The following RBFOX1 variants were observed in gnomAD, a reference collection of about 807,000 sequenced individuals.
RBFOX1 encodes RNA binding protein fox-1 homolog 1.
A neutral mutation model predicts 57.7 loss-of-function variants in RBFOX1; 8 were observed. The ratio of observed to expected loss-of-function variants is 0.14; its 90% CI spans 0.08 to 0.25. The LOEUF (loss-of-function observed/expected upper bound fraction) is 0.25. RBFOX1 is among the 10% of genes least tolerant of loss of function. The pLI, the probability that RBFOX1 is intolerant of heterozygous loss-of-function variation, is 1.00. For synonymous variants in RBFOX1, 326 were observed against 222.4 expected, an observed-to-expected ratio of 1.47 and a Z score of -4.15; for missense variants, 611 against 548.5, an observed-to-expected ratio of 1.11 and a Z score of -1.14.
chr16:5,575,859 A>G (rs2151143464), intron 2 of RBFOX1, among the ~76,000 whole-genome samples: 1 of 151,834 alleles, frequency 6.6e-6, no homozygotes. Flanking sequence ...TCAAAAAAAA[A>G]ATAGCATCAA....
At chr16:6,196,609 A>G (rs995621299) in intron 1 of RBFOX1, among the ~76,000 whole-genome samples, 2 of 152,170 alleles carry the variant, frequency 1.3e-5, no homozygotes, top group African/African-American at 4.8e-5. Context: ...GAAACTGGAA[A>G]TAGAGAAATA....
intron 2 of RBFOX1, among the ~76,000 whole-genome samples, chr16:6,501,615 T>C (rs1567463370): frequency 6.6e-6 from 1 of 152,136 alleles, no homozygotes; most frequent in African/African-American, 2.4e-5. Context: ...TGCATGCATG[T>C]GTCTTTATAG....
At chr16:5,959,598 A>G (rs1056984664) in intron 4 of RBFOX1, among the ~76,000 whole-genome samples, 2 of 152,238 alleles carry the variant, frequency 1.3e-5, no homozygotes, top group African/African-American at 4.8e-5. Flanking sequence ...AACACATGGT[A>G]AGCCCAAAGC....
intron 2 of RBFOX1, chr16:6,484,032 G>C (rs1166135145): frequency 1.3e-6 from 1 of 743,280 alleles, no homozygotes; most frequent in Non-Finnish European, 1.6e-6. Flanking sequence ...CGTTTAGAGG[G>C]ATTGGGGAGC....
At position 7,193,010 on chromosome 16, in the gene RBFOX1, C is replaced by T. The variant is rs117587141; in HGVS notation, c.27+140912C>T. On this transcript the variant is annotated intron_variant, in intron 4 of 15. Coordinates refer to ENST00000550418, the MANE Select transcript of RBFOX1 (RefSeq NM_018723.4). ...ACAAGGTGGTAGGCAAAATAATGCC[C>T]TTGCCTTACCTATGGCCATGTCTTA... 1.6e-4 allele frequency among the ~76,000 whole-genome samples: 24 copies of T among 152,260 alleles called. No individual in the cohort carries two copies. The East Asian group carries it at 4.6e-3, about 29-fold the overall frequency.
At chr16:6,819,881 C>T (rs2090956747) in intron 3 of RBFOX1, among the ~76,000 whole-genome samples, 1 of 152,102 alleles carries the variant, frequency 6.6e-6, no homozygotes, top group Admixed American at 6.5e-5. Flanking sequence ...TAAGTGCTTT[C>T]CTCAAGCATA....
chr16:6,788,711 G>A (rs1172666176), intron 3 of RBFOX1, among the ~76,000 whole-genome samples: 3 of 151,416 alleles, frequency 2.0e-5, no homozygotes, highest in East Asian at 2.0e-4. Context: ...TCCTGATCTC[G>A]TGATCCGCCC....
intron 4 of RBFOX1, among the ~76,000 whole-genome samples, chr16:5,885,987 G>A (rs2057890149): frequency 6.6e-6 from 1 of 152,150 alleles, no homozygotes; most frequent in Non-Finnish European, 1.5e-5. Context: ...TCTCATGATA[G>A]TGAGTTGTCA....
chr16:6,265,993 C>A (rs892915025), intron 1 of RBFOX1, among the ~76,000 whole-genome samples: 1 of 152,144 alleles, frequency 6.6e-6, no homozygotes, highest in African/African-American at 2.4e-5. Flanking sequence ...TCTGGCTTCT[C>A]TTTTTGTGGT....
At chr16:7,565,701 C>T (rs1046513194) in intron 5 of RBFOX1, among the ~76,000 whole-genome samples, 2 of 152,204 alleles carry the variant, frequency 1.3e-5, no homozygotes, top group Admixed American at 1.3e-4. Context: ...CTCGAAGACA[C>T]TCAGAAGCTT....
chr16:6,969,085 G>C (rs556207868), intron 3 of RBFOX1, among the ~76,000 whole-genome samples: 129 of 152,212 alleles, frequency 8.5e-4, no homozygotes, highest in Non-Finnish European at 1.4e-3. Context: ...ACTTACAGGA[G>C]AGACCTTCTC....
chr16:7,124,579 C>T (rs2068012354), intron 4 of RBFOX1, among the ~76,000 whole-genome samples: 1 of 136,808 alleles, frequency 7.3e-6, no homozygotes, highest in Non-Finnish European at 1.5e-5. Flanking sequence ...TCCTTCCTTC[C>T]TTCCTGTAAT....
rs144805773 is a variant in RBFOX1 at position 5,959,926 on chromosome 16, C to T, written c.351+92591C>T. Among the ~76,000 whole-genome samples the T allele has an allele frequency of 7.2e-3, 1,092 of 152,274 alleles. 21 individuals carry two copies. Among genetic ancestry groups the T allele is most frequent in the African/African-American group, 0.025 (1,039 of 41,556 alleles). Reference sequence around the variant, plus strand: ...TGAATAAGAGGAACCCTAGGCTGGGCGCGGTGGCTCACGCCTGTAATCCCA... The same window carrying T: ...TGAATAAGAGGAACCCTAGGCTGGGTGCGGTGGCTCACGCCTGTAATCCCA... On this transcript the variant is annotated intron_variant, in intron 4 of 19. Coordinates refer to the RBFOX1 transcript ENST00000641259.
intron 3 of RBFOX1, among the ~76,000 whole-genome samples, chr16:5,776,265 G>A (rs1488356088): frequency 6.6e-6 from 1 of 152,230 alleles, no homozygotes; most frequent in East Asian, 1.9e-4. Flanking sequence ...TCAGAAGGCT[G>A]CAGTACCCCA....
chr16:6,414,022 A>G lies in RBFOX1; in HGVS notation c.-64+96965A>G, dbSNP rs566322723. 5.3e-5 allele frequency among the ~76,000 whole-genome samples: 8 copies of G among 152,320 alleles called. No homozygotes were observed. In the South Asian group the frequency reaches 1.7e-3, roughly 32 times the overall value. On this transcript the variant is annotated intron_variant, in intron 2 of 15. Coordinates refer to ENST00000550418, the MANE Select transcript of RBFOX1 (RefSeq NM_018723.4). ...CGAGAAGGAAATTCCAACCATAGGGATCGTTCCGCGCAAACACAGCAAGTG... is the reference window on the plus strand; with the variant it reads ...CGAGAAGGAAATTCCAACCATAGGGGTCGTTCCGCGCAAACACAGCAAGTG...
intron 4 of RBFOX1, among the ~76,000 whole-genome samples, chr16:7,434,011 A>G (rs569214385): frequency 2.6e-5 from 4 of 152,302 alleles, no homozygotes; most frequent in South Asian, 2.1e-4. Flanking sequence ...AGTTAATACT[A>G]TTGGAAACTG....
chr16:5,748,058 T>G (rs371765325), intron 3 of RBFOX1, among the ~76,000 whole-genome samples: 5 of 152,114 alleles, frequency 3.3e-5, no homozygotes, highest in Admixed American at 1.3e-4. Flanking sequence ...GTGTCCCAGA[T>G]ATTCTGGTAT....
chr16:5,931,062 C>T (rs2059045317), intron 4 of RBFOX1, among the ~76,000 whole-genome samples: 1 of 152,164 alleles, frequency 6.6e-6, no homozygotes, highest in South Asian at 2.1e-4. Context: ...AGTAGTCTAA[C>T]TTCAGGCTCA....
chr16:6,477,087 A>C (rs187102695), intron 2 of RBFOX1, among the ~76,000 whole-genome samples: 5 of 152,290 alleles, frequency 3.3e-5, no homozygotes, highest in Non-Finnish European at 5.9e-5. Flanking sequence ...CCACATTTCC[A>C]GGTTCTTCCT....
Sources: allele counts gnomAD v4.1 joint callset (sites outside exome capture counted in the v4.1 genomes callset), GRCh38; gene constraint gnomAD v4.1.1; transcripts MANE v1.5; gene names NCBI Gene and HGNC (gene_info 2026-07-23, HGNC 2026-07-21).